CACNA1D: variants seen among roughly 807,000 people sequenced by gnomAD.
CACNA1D encodes voltage-dependent L-type calcium channel subunit alpha-1D.
CACNA1D carries 55 observed loss-of-function variants against 257.1 expected under a neutral mutation model. The observed-to-expected ratio is 0.21, with a 90% CI of 0.17 to 0.27. CACNA1D has a LOEUF of 0.27. CACNA1D is among the 10% of genes least tolerant of loss of function. The probability of loss-of-function intolerance (pLI) is 1.00; values close to 1 mark genes in which losing one functional copy is unlikely to be tolerated. For synonymous variants in CACNA1D, 980 were observed against 1,014.9 expected, an observed-to-expected ratio of 0.97 and a Z score of 0.65; for missense variants, 1,876 against 2,784.0, an observed-to-expected ratio of 0.67 and a Z score of 7.34.
At chr3:53,583,405 G>T (rs1203295862) in intron 3 of CACNA1D, among the ~76,000 whole-genome samples, 1 of 152,122 alleles carries the variant, frequency 6.6e-6, no homozygotes, top group African/African-American at 2.4e-5. Context: ...GCCTGTACTT[G>T]CCAAATGTAG....
At chr3:53,556,239 C>T (rs761762162) in intron 3 of CACNA1D, among the ~76,000 whole-genome samples, 10 of 152,118 alleles carry the variant, frequency 6.6e-5, no homozygotes, top group Non-Finnish European at 1.2e-4. Context: ...GTGCTAGAAA[C>T]GTACAGGTTT....
intron 29 of CACNA1D, among the ~76,000 whole-genome samples, chr3:53,756,448 G>A (rs1478339803): frequency 1.3e-5 from 2 of 152,202 alleles, no homozygotes; most frequent in East Asian, 3.9e-4. Context: ...GCATTTTGGA[G>A]CACTGGTCAG....
intron 4 of CACNA1D, among the ~76,000 whole-genome samples, chr3:53,657,598 T>G (rs528449818): frequency 6.6e-6 from 1 of 152,344 alleles, no homozygotes; most frequent in African/African-American, 2.4e-5. Flanking sequence ...GAAGTAGAAC[T>G]GGACTCTAAG....
intron 4 of CACNA1D, among the ~76,000 whole-genome samples, chr3:53,654,595 A>G (rs2094130761): frequency 6.6e-6 from 1 of 152,050 alleles, no homozygotes; most frequent in Admixed American, 6.5e-5. Flanking sequence ...TTTTTCCCCC[A>G]CCATTGACAA....
At chr3:53,685,547 A>T (rs1052011766) in intron 8 of CACNA1D, among the ~76,000 whole-genome samples, 2 of 152,276 alleles carry the variant, frequency 1.3e-5, no homozygotes, top group Middle Eastern at 3.4e-3. Flanking sequence ...AGCACGTGGA[A>T]CATTCACCGA....
chr3:53,751,840 A>G lies in CACNA1D; in HGVS notation c.3608A>G (p.Asn1203Ser), dbSNP rs2095229103. Residue 1203 changes from asparagine (N) to serine (S), a missense_variant, in exon 28 of 48, where the codon AAC becomes AGC. Physicochemically the swap from Asn to Ser is conservative, Grantham distance 46. Coordinates refer to ENST00000350061, the MANE Select transcript of CACNA1D (RefSeq NM_001128840.3). This position sits in a 1 kb window ranked among gnomAD's most constrained non-coding sequence, Gnocchi z 4.3. ...CAGTACAAGTTCTGGTACGTGGTGA[A>G]CTCTTCGCCTTTCGAATACATGATG... ...PYQYKFWYVVNSSPFEYMMFV... is the reference protein window; with the variant it reads ...PYQYKFWYVVSSSPFEYMMFV... 1 of 1,613,820 alleles carries G rather than the reference A, an allele frequency of 6.2e-7. No individual in the cohort carries two copies. The highest frequency in any genetic ancestry group is 8.5e-7 in the Non-Finnish European group (1 of 1,179,922).
intron 3 of CACNA1D, among the ~76,000 whole-genome samples, chr3:53,628,804 T>G (rs2093788902): frequency 6.6e-6 from 1 of 152,244 alleles, no homozygotes; most frequent in Non-Finnish European, 1.5e-5. Flanking sequence ...CAGAACCTGT[T>G]TGTAAAAATG....
intron 3 of CACNA1D, among the ~76,000 whole-genome samples, chr3:53,525,695 A>G (rs1404395264): frequency 3.3e-5 from 5 of 152,134 alleles, no homozygotes; most frequent in Non-Finnish European, 5.9e-5. Flanking sequence ...GATCAGCCCA[A>G]TTCTCTGAAC....
chr3:53,562,014 C>T (rs908053573), intron 3 of CACNA1D, among the ~76,000 whole-genome samples: 4 of 152,184 alleles, frequency 2.6e-5, no homozygotes, highest in South Asian at 2.1e-4. Flanking sequence ...TGTGCTGCTT[C>T]GTGCCAGATA....
At chr3:53,567,954 C>G (rs1285273406) in intron 3 of CACNA1D, among the ~76,000 whole-genome samples, 2 of 152,128 alleles carry the variant, frequency 1.3e-5, no homozygotes, top group Non-Finnish European at 2.9e-5. Context: ...AAGCATGGTG[C>G]GGGCAGAGCA....
At chr3:53,731,684 T>A (rs2094994272) in intron 17 of CACNA1D, among the ~76,000 whole-genome samples, 1 of 152,218 alleles carries the variant, frequency 6.6e-6, no homozygotes, top group South Asian at 2.1e-4. Flanking sequence ...CCTGCCTTCA[T>A]GGGGCTCACA....
chr3:53,588,598 G>A (rs2093256047), intron 3 of CACNA1D, among the ~76,000 whole-genome samples: 1 of 152,228 alleles, frequency 6.6e-6, no homozygotes, highest in African/African-American at 2.4e-5. Context: ...AGCTGCGACA[G>A]ACACATGGGT....
intron 29 of CACNA1D, among the ~76,000 whole-genome samples, chr3:53,760,629 C>T (rs1452745216): frequency 3.3e-5 from 5 of 152,172 alleles, no homozygotes; most frequent in Non-Finnish European, 5.9e-5. Context: ...CCAGGGGTGT[C>T]GAGAGACCAC....
intron 3 of CACNA1D, among the ~76,000 whole-genome samples, chr3:53,502,334 T>G (rs562289278): frequency 6.6e-6 from 1 of 152,316 alleles, no homozygotes; most frequent in South Asian, 2.1e-4. Flanking sequence ...TCCATATACT[T>G]TGCTGCCTTC....
At chr3:53,507,498 G>C (rs2090907950) in intron 3 of CACNA1D, among the ~76,000 whole-genome samples, 2 of 152,030 alleles carry the variant, frequency 1.3e-5, no homozygotes, top group Non-Finnish European at 2.9e-5. Context: ...TGCACCTGTG[G>C]TCCCAGCTAC....
chr3:53,739,980 A>C (rs1559603994), intron 20 of CACNA1D, among the ~76,000 whole-genome samples: 1 of 152,240 alleles, frequency 6.6e-6, no homozygotes, highest in Non-Finnish European at 1.5e-5. Flanking sequence ...GCACTCTCTG[A>C]TGAGAAAAGC....
rs779207160 is a variant in CACNA1D, at chr3:53,651,366, C to CTT, written c.623+469_623+470dup. Among the ~76,000 whole-genome samples the CTT allele has an allele frequency of 4.8e-3, 394 of 81,818 alleles. 42 individuals are homozygous for CTT. The highest frequency in any genetic ancestry group is 7.6e-3 in the Admixed American group (45 of 5,898). 53.7% of individuals were successfully genotyped at this position (81,818 alleles called of 152,430 possible). A position where few individuals can be genotyped will look rare whatever the true frequency, so the allele number is the denominator to read the frequency against. ...TCCCTTGAGCAAAGCTATTAATTTTCTTTTTTTTTTTTTTTTTTTTTTGCT... is the reference window on the plus strand; with the variant it reads ...TCCCTTGAGCAAAGCTATTAATTTTCTTTTTTTTTTTTTTTTTTTTTTTTGCT... On this transcript the variant is annotated intron_variant, in intron 4 of 47. Coordinates refer to ENST00000350061, the MANE Select transcript of CACNA1D (RefSeq NM_001128840.3).
chr3:53,746,480 T>C (rs2108847309), intron 25 of CACNA1D, among the ~76,000 whole-genome samples: 1 of 152,304 alleles, frequency 6.6e-6, no homozygotes, highest in African/African-American at 2.4e-5. Flanking sequence ...ATGGAAGCCA[T>C]TGCCTAAAGT....
chr3:53,627,697 C>G (rs2093775830), intron 3 of CACNA1D, among the ~76,000 whole-genome samples: 1 of 152,012 alleles, frequency 6.6e-6, no homozygotes, highest in African/African-American at 2.4e-5. Context: ...ATGTCTAGTT[C>G]CATCTGTTGG....
Sources: gnomAD v4.1 joint callset for allele counts (sites outside exome capture counted in the v4.1 genomes callset) on GRCh38, gnomAD v4.1.1 for gene constraint, Gnocchi (gnomAD v3.1) non-coding constraint, MANE v1.5 for transcripts, NCBI Gene and HGNC (gene_info 2026-07-23, HGNC 2026-07-21) for gene names.